Variants in GNL3L observed in about 807,000 individuals in gnomAD.
GNL3L encodes guanine nucleotide-binding protein-like 3-like protein.
Under a neutral mutation model 42.9 loss-of-function variants are expected in GNL3L, and 4 were observed. The observed-to-expected ratio is 0.09, with a 90% confidence interval of 0.05 to 0.21. The LOEUF (loss-of-function observed/expected upper bound fraction) is 0.21, where lower values mean the gene tolerates loss of function less well. Among genes scored for constraint, GNL3L ranks in the 10% least tolerant of loss-of-function variants. GNL3L has a pLI of 1.00. For synonymous variants in GNL3L, 159 were observed against 176.3 expected, an observed-to-expected ratio of 0.90 and a Z score of 0.78; for missense variants, 412 against 481.7, an observed-to-expected ratio of 0.86 and a Z score of 1.36.
At chrX:54,541,239 T>G in intron 4 of GNL3L, 34 bp from the exon 5 acceptor site, 1 of 1,001,235 alleles carries the variant, frequency 1.0e-6, no homozygotes, top group Non-Finnish European at 1.4e-6. Flanking sequence ...GCAGACCCAG[T>G]CAGCTCCAGT....
the GNL3L span, among the ~76,000 whole-genome samples, chrX:54,634,867 A>G: frequency 9.1e-5 from 8 of 88,074 alleles, no homozygotes; most frequent in East Asian, 3.6e-4. Context: ...TCGGCTCACT[A>G]CAACCTCTGC....
At position 54,544,261 on chromosome X, in the gene GNL3L, T is replaced by A. The variant is rs770447152; in HGVS notation, c.565T>A (p.Tyr189Asn). The change falls in exon 8 of 16, where the codon TAC (tyrosine) becomes AAC (asparagine). Residue 189 changes from tyrosine to asparagine, a missense_variant. Physicochemically the swap from Tyr to Asn is moderately radical, Grantham distance 143. Coordinates refer to ENST00000360845, the MANE Select transcript of GNL3L (RefSeq NM_001184819.2). ...PKEVVEKWLD[Y>N]LRNELPTVAF... ...GGAGGTTGTGGAGAAATGGCTGGAT[T>A]ACCTTCGGAATGAGTTGCCAACCGT... 8.4e-7 allele frequency: 1 copy of A among 1,197,537 alleles called. No individual in the cohort carries two copies. Among genetic ancestry groups the A allele is most frequent in the Non-Finnish European group, 1.1e-6 (1 of 883,227 alleles).
At chrX:54,637,933 G>A in the GNL3L span, among the ~76,000 whole-genome samples, 3 of 111,342 alleles carry the variant, frequency 2.7e-5, no homozygotes, top group South Asian at 1.1e-3. Flanking sequence ...TGATAATTGA[G>A]AAGCTGGGTG....
intron 14 of GNL3L, 27 bp from the exon 15 acceptor site, chrX:54,558,409 A>G (rs184914287): frequency 5.6e-4 from 591 of 1,060,722 alleles, no homozygotes; most frequent in Non-Finnish European, 5.1e-4. Flanking sequence ...TTAAGACCTC[A>G]TCGTTATGTT....
intron 16 of GNL3L, among the ~76,000 whole-genome samples, chrX:54,590,218 G>A (rs1053034457): frequency 2.7e-5 from 3 of 112,262 alleles, no homozygotes; most frequent in Non-Finnish European, 3.8e-5. Flanking sequence ...GATTATAGGC[G>A]TGAGCCACCG....
chrX:54,595,419 A>T (rs2147523170), intron 16 of GNL3L, among the ~76,000 whole-genome samples: 1 of 111,248 alleles, frequency 9.0e-6, no homozygotes, highest in East Asian at 2.8e-4. Context: ...GACATATGGG[A>T]GCTCCATTGT....
At chrX:54,637,151 G>C in the GNL3L span, among the ~76,000 whole-genome samples, 4 of 111,516 alleles carry the variant, frequency 3.6e-5, no homozygotes, top group Admixed American at 3.8e-4. Flanking sequence ...AGTTTCTGTA[G>C]GGGAACAAGA....
chrX:54,585,584 C>T (rs1925773281), intron 16 of GNL3L, among the ~76,000 whole-genome samples: 1 of 111,633 alleles, frequency 9.0e-6, no homozygotes, highest in African/African-American at 3.2e-5. Flanking sequence ...TATATTTATG[C>T]AGTGTCAGTT....
At chrX:54,642,893 A>G in the GNL3L span, among the ~76,000 whole-genome samples, 1 of 112,171 alleles carries the variant, frequency 8.9e-6, no homozygotes, top group African/African-American at 3.2e-5. Context: ...AGTTCAATCA[A>G]TATTTGTAGA....
At chrX:54,591,681 T>G (rs1316645785) in intron 16 of GNL3L, among the ~76,000 whole-genome samples, 3 of 111,275 alleles carry the variant, frequency 2.7e-5, no homozygotes, top group Admixed American at 9.6e-5. Context: ...ATGTGTGTGT[T>G]TTTATGCTAG....
At chrX:54,535,891 T>C (rs1569541905) in intron 2 of GNL3L, among the ~76,000 whole-genome samples, 1 of 110,600 alleles carries the variant, frequency 9.0e-6, no homozygotes, top group Non-Finnish European at 1.9e-5. Flanking sequence ...GCCTCCTGAG[T>C]AGCTGGGACA....
At position 54,563,355 on chromosome X, in the gene GNL3L, A is replaced by T. The variant is rs897537793; in HGVS notation, c.*2753A>T. Among the ~76,000 whole-genome samples, 5 of 111,534 alleles carry T rather than the reference A, an allele frequency of 4.5e-5. No individual in the cohort carries two copies. Among genetic ancestry groups the T allele is most frequent in the Admixed American group, 1.9e-4 (2 of 10,377 alleles). ...ATGTGCAAATTACGGGTTTATCAGGAGGTGACCCCATCGGTAATGGAGAAG... is the reference window on the plus strand; with the variant it reads ...ATGTGCAAATTACGGGTTTATCAGGTGGTGACCCCATCGGTAATGGAGAAG... On this transcript the variant is annotated 3_prime_UTR_variant, in exon 16 of 16. Transcript: ENST00000360845.
chrX:54,628,706 T>C, the GNL3L span, among the ~76,000 whole-genome samples: 1 of 109,015 alleles, frequency 9.2e-6, no homozygotes, highest in South Asian at 3.9e-4. Context: ...TTTGGTGGGA[T>C]TATTTGTTGT....
chrX:54,590,994 C>T (rs1462357336), intron 16 of GNL3L, among the ~76,000 whole-genome samples: 1 of 109,518 alleles, frequency 9.1e-6, no homozygotes, highest in Non-Finnish European at 1.9e-5. Context: ...CCACAGCTGG[C>T]AGATTTTTGT....
In GNL3L at chrX:54,563,605, G is replaced by A. The variant is rs921389674; in HGVS notation, c.*3003G>A. Among the ~76,000 whole-genome samples the A allele has an allele frequency of 6.4e-5, 7 of 109,454 alleles. No homozygotes were observed. The highest frequency in any genetic ancestry group is 1.3e-4 in the Non-Finnish European group (7 of 52,985). ...TCAAGACCAGCCTAAACAATATGGC[G>A]AAACCTCATCTCTACCAAAAAAATA... On this transcript the variant is annotated 3_prime_UTR_variant, in exon 16 of 16. Coordinates refer to ENST00000360845, the MANE Select transcript of GNL3L (RefSeq NM_001184819.2).
At chrX:54,641,536 T>C in the GNL3L span, among the ~76,000 whole-genome samples, 1 of 112,103 alleles carries the variant, frequency 8.9e-6, no homozygotes, top group African/African-American at 3.2e-5. Context: ...CTATCTTTGA[T>C]GGCCACTGGC....
At position 54,584,609 on chromosome X, in the gene GNL3L, A is replaced by C. The variant is rs905385872; in HGVS notation, c.*45+23962A>C. Among the ~76,000 whole-genome samples, 5 of 112,341 alleles carry C rather than the reference A, an allele frequency of 4.5e-5. No individual in the cohort carries two copies. In the Admixed American group the frequency reaches 4.7e-4, roughly 11 times the overall value. ...CATCTGTTGATTGCCCAGGTTGTTA[A>C]TGTATATTGGCTATTGTGAATAATA... On this transcript the variant is annotated intron_variant, in intron 16 of 16. Coordinates refer to the GNL3L transcript ENST00000674498.
chrX:54,542,088 ATGATTTATT>A (rs1020486347), intron 5 of GNL3L, among the ~76,000 whole-genome samples: 1 of 112,041 alleles, frequency 8.9e-6, no homozygotes, highest in African/African-American at 3.2e-5. Context: ...TGAGACTCAC[ATGATTTATT>A]TTTTAAATTA....
chrX:54,624,897 A>G (rs1270290460), downstream of GNL3L, among the ~76,000 whole-genome samples: 1 of 111,800 alleles, frequency 8.9e-6, no homozygotes, highest in Non-Finnish European at 1.9e-5. Flanking sequence ...CTACCATTAG[A>G]TATTTTGGTT....
Sources: allele counts gnomAD v4.1 joint callset (sites outside exome capture counted in the v4.1 genomes callset), GRCh38; gene constraint gnomAD v4.1.1; transcripts MANE v1.5; gene names NCBI Gene and HGNC (gene_info 2026-07-23, HGNC 2026-07-21).